CBR4: variants seen among roughly 807,000 people sequenced by gnomAD.
CBR4 encodes 3-oxoacyl-[acyl-carrier-protein] reductase.
In CBR4, 22 loss-of-function variants were observed where a neutral mutation model predicts 21.0. The ratio of observed to expected loss-of-function variants is 1.05; its 90% CI spans 0.75 to 1.50. The LOEUF (loss-of-function observed/expected upper bound fraction) is 1.50, where lower values mean the gene tolerates loss of function less well. Ranked by LOEUF, CBR4 falls within the 40% of genes most tolerant of loss-of-function variation. The pLI is 0.00. For missense variants in CBR4, 302 were observed against 286.3 expected (o/e 1.05, Z -0.40); for synonymous variants, 100 against 104.4 (o/e 0.96, Z 0.26).
At chr4:168,901,179 ACTTTGGCATATG>A (rs1251715312) in intron 2 of CBR4, among the ~76,000 whole-genome samples, 1 of 152,152 alleles carries the variant, frequency 6.6e-6, no homozygotes, top group African/African-American at 2.4e-5. Flanking sequence ...TTAAAGGTCT[ACTTTGGCATATG>A]CCATATAAAT....
intron 3 of CBR4, among the ~76,000 whole-genome samples, chr4:169,004,809 T>C (rs1415845490): frequency 1.3e-5 from 2 of 152,234 alleles, no homozygotes; most frequent in East Asian, 3.8e-4. Flanking sequence ...CAGTGATATA[T>C]TGTAAACTGT....
intron 2 of CBR4, among the ~76,000 whole-genome samples, chr4:168,911,958 T>C (rs1759056667): frequency 6.6e-6 from 1 of 152,142 alleles, no homozygotes; most frequent in South Asian, 2.1e-4. Flanking sequence ...CTCATTCTTC[T>C]CCTGTCTGTA....
intron 2 of CBR4, among the ~76,000 whole-genome samples, chr4:168,901,392 T>C (rs1338874319): frequency 1.3e-5 from 2 of 152,222 alleles, no homozygotes; most frequent in Non-Finnish European, 2.9e-5. Flanking sequence ...CCTCCATTAG[T>C]ACGCTTGGTA....
At chr4:168,973,034 C>T (rs981211631) in intron 2 of CBR4, among the ~76,000 whole-genome samples, 1 of 152,090 alleles carries the variant, frequency 6.6e-6, no homozygotes, top group South Asian at 2.1e-4. Context: ...TTGGGATGAT[C>T]ATTATCTTTG....
At chr4:168,948,170 T>C (rs906664114) in intron 2 of CBR4, among the ~76,000 whole-genome samples, 1 of 152,248 alleles carries the variant, frequency 6.6e-6, no homozygotes, top group Non-Finnish European at 1.5e-5. Flanking sequence ...GCCATTTGTA[T>C]ATCTTCTTTT....
At chr4:168,921,592 C>T in intron 2 of CBR4, 1 of 1,610,148 alleles carries the variant, frequency 6.2e-7, no homozygotes, top group Non-Finnish European at 8.5e-7. Flanking sequence ...CCCGTACGCC[C>T]TGACAGTGCT....
At chr4:168,940,079 T>G (rs1372254633) in intron 2 of CBR4, among the ~76,000 whole-genome samples, 1 of 152,164 alleles carries the variant, frequency 6.6e-6, no homozygotes, top group African/African-American at 2.4e-5. Flanking sequence ...CTGGTACTGG[T>G]ACCAAAACAG....
At position 168,912,115 on chromosome 4, in the gene CBR4, G is replaced by A. The variant is rs371082056; in HGVS notation, n.170-17350C>T. Among the ~76,000 whole-genome samples the A allele has an allele frequency of 6.4e-4, 97 of 152,138 alleles. 4 individuals carry two copies. In the South Asian group the frequency reaches 0.019, roughly 30 times the overall value. On this transcript the variant is annotated intron_variant and non_coding_transcript_variant, in intron 2 of 3. Coordinates refer to the CBR4 transcript ENST00000509108. ...ATTTTTCTCTGCATTCCCTCCACTAGTGCCCTCACCCTGACCCCCACTCCA... is the reference window on the plus strand; with the variant it reads ...ATTTTTCTCTGCATTCCCTCCACTAATGCCCTCACCCTGACCCCCACTCCA...
chr4:169,010,188 A>AG lies in CBR4; in HGVS notation c.-100_-99insC. The AG allele has an allele frequency of 2.8e-6, 3 of 1,071,284 alleles. No homozygotes were observed. Among genetic ancestry groups the AG allele is most frequent in the Non-Finnish European group, 3.9e-6 (3 of 777,298 alleles). The allele number at this position is 1,071,284 out of a possible 1,614,324, so 66.4% of individuals were successfully genotyped here. A position where few individuals can be genotyped will look rare whatever the true frequency, so the allele number is the denominator to read the frequency against. ...CAACCGCGGTTCCAAAAAAAAAAAAAAGAAAAAAAAAGGCAAACCGCAAAA... is the reference window on the plus strand; with the variant it reads ...CAACCGCGGTTCCAAAAAAAAAAAAAGAGAAAAAAAAAGGCAAACCGCAAAA... On this transcript the variant is annotated 5_prime_UTR_variant, in exon 1 of 5. Coordinates refer to ENST00000306193, the MANE Select transcript of CBR4 (RefSeq NM_032783.5).
intron 2 of CBR4, chr4:168,903,727 CT>C: frequency 6.3e-7 from 1 of 1,590,704 alleles, no homozygotes; most frequent in South Asian, 1.1e-5. Context: ...ACACAAACTC[CT>C]AATCTTTAAT....
At chr4:168,966,757 G>A (rs368664799) in intron 2 of CBR4, among the ~76,000 whole-genome samples, 69 of 152,132 alleles carry the variant, frequency 4.5e-4, no homozygotes, top group African/African-American at 1.5e-3. Context: ...AGTGGCTCAC[G>A]CCTGTAATCC....
chr4:168,971,141 TTTTA>T (rs1764195318), intron 2 of CBR4, among the ~76,000 whole-genome samples: 1 of 152,234 alleles, frequency 6.6e-6, no homozygotes, highest in Admixed American at 6.5e-5. Flanking sequence ...TCTATTATTT[TTTTA>T]TTTTTTAATT....
chr4:168,977,684 A>G (rs768463447), intron 2 of CBR4, among the ~76,000 whole-genome samples: 1 of 152,092 alleles, frequency 6.6e-6, no homozygotes, highest in Non-Finnish European at 1.5e-5. Flanking sequence ...CCTATCTCCA[A>G]AGCACCTGAA....
intron 4 of CBR4, among the ~76,000 whole-genome samples, chr4:168,990,681 C>G (rs998080044): frequency 1.3e-5 from 2 of 151,944 alleles, no homozygotes; most frequent in Non-Finnish European, 2.9e-5. Context: ...CTCAGCCTCC[C>G]AAAGTGCTGG....
At chr4:168,942,375 A>G (rs1319423283) in intron 2 of CBR4, among the ~76,000 whole-genome samples, 1 of 152,178 alleles carries the variant, frequency 6.6e-6, no homozygotes, top group Non-Finnish European at 1.5e-5. Context: ...CGTTCTGCAC[A>G]TGTAATCCCA....
intron 2 of CBR4, among the ~76,000 whole-genome samples, chr4:168,895,822 T>G (rs1022437150): frequency 2.0e-5 from 3 of 152,244 alleles, no homozygotes; most frequent in African/African-American, 7.2e-5. Flanking sequence ...TATTATCTCT[T>G]TATCTTCTTT....
rs145408396 is a variant in CBR4 at position 168,933,570 on chromosome 4, A to G, written n.170-38805T>C. On this transcript the variant is annotated intron_variant and non_coding_transcript_variant, in intron 2 of 3. Transcript: ENST00000509108. ...GACCTCAATAAAATAACAGTTGGGA[A>G]CTTTAACACCCCACTTTCAGCACTG... Among the ~76,000 whole-genome samples the G allele has an allele frequency of 2.5e-3, 384 of 152,324 alleles. 1 individual carries two copies. The highest frequency in any genetic ancestry group is 3.3e-3 in the Non-Finnish European group (227 of 68,026).
In CBR4 at chr4:168,909,400, T is replaced by A. The variant is rs186255569; in HGVS notation, n.170-14635A>T. ...TAAATAATTGGCCTTGCACAAGGTA[T>A]GAAATAATCTTTACAAGCTGGATGT... On this transcript the variant is annotated intron_variant and non_coding_transcript_variant, in intron 2 of 3. Transcript: ENST00000509108. Among the ~76,000 whole-genome samples, 6 of 152,310 alleles carry A rather than the reference T, an allele frequency of 3.9e-5. No homozygotes were observed. In the East Asian group the frequency reaches 9.6e-4, roughly 24 times the overall value.
intron 2 of CBR4, among the ~76,000 whole-genome samples, chr4:168,958,505 C>T (rs917094081): frequency 5.3e-5 from 8 of 152,234 alleles, no homozygotes; most frequent in East Asian, 1.9e-4. Context: ...TTGGCTATTA[C>T]GAATAAAACT....
Sources: allele counts gnomAD v4.1 joint callset (sites outside exome capture counted in the v4.1 genomes callset), GRCh38; gene constraint gnomAD v4.1.1; transcripts MANE v1.5; gene names NCBI Gene and HGNC (gene_info 2026-07-23, HGNC 2026-07-21).